The following MYBBP1A variants were observed in gnomAD, a reference collection of about 807,000 sequenced individuals.
MYBBP1A encodes the protein myb-binding protein 1A.
Under a neutral mutation model 136.3 loss-of-function variants are expected in MYBBP1A, and 147 were observed. The observed-to-expected ratio is 1.08, with a 90% CI of 0.94 to 1.24. MYBBP1A has a LOEUF of 1.24. Ranked by LOEUF, MYBBP1A falls within the 50% of genes most tolerant of loss-of-function variation. The pLI is 0.00. For missense variants in MYBBP1A, 2,060 were observed against 1,727.4 expected, an observed-to-expected ratio of 1.19 and a Z score of -3.41; for synonymous variants, 947 against 735.8, an observed-to-expected ratio of 1.29 and a Z score of -4.65.
rs753777128 is a variant in MYBBP1A at position 4,540,418 on chromosome 17, C to G, written c.3364G>C (p.Gly1122Arg). The G allele has an allele frequency of 6.2e-7, 1 of 1,611,070 alleles. No individual in the cohort carries two copies. The highest frequency in any genetic ancestry group is 8.5e-7 in the Non-Finnish European group (1 of 1,179,804). ...LQGQQQSLQQ[G>R]AHSTGSSRLH... is the part of the protein sequence containing the mutation. ...CGGCTGGAGCCGGTGGAGTGTGCCC[C>G]CTGCTGTAGGCTCTGCTGTTGCCCC... Residue 1122 changes from glycine to arginine, a missense_variant, in exon 25 of 26, where the codon GGG (glycine) becomes CGG (arginine). Coordinates refer to ENST00000254718, the MANE Select transcript of MYBBP1A (RefSeq NM_014520.4).
In MYBBP1A at chr17:4,552,614, T is replaced by G; in HGVS notation, c.574A>C (p.Thr192Pro). ...ACCTCCGGCAGGATCTCCTGCAATG[T>G]GGCCTTCGAGACCTAAGGATGGAGG... ...VDILSEVSKA[T>P]LQEILPEVLK... The change falls in exon 6 of 26, where the codon ACA becomes CCA. Residue 192 changes from threonine (T) to proline (P), a missense_variant. Coordinates refer to ENST00000254718, the MANE Select transcript of MYBBP1A (RefSeq NM_014520.4). This position sits in a 1 kb window ranked among gnomAD's most constrained non-coding sequence, Gnocchi z 4.7. 6.2e-7 allele frequency: 1 copy of G among 1,613,434 alleles called. No individual in the cohort carries two copies. Among genetic ancestry groups the G allele is most frequent in the Non-Finnish European group, 8.5e-7 (1 of 1,179,746 alleles).
rs1269673024 is a variant in MYBBP1A at position 4,540,215 on chromosome 17, T to TGCATGTGTGTGCAGCA, written c.3434+117_3434+132dup. 7 of 1,307,206 alleles carry TGCATGTGTGTGCAGCA rather than the reference T, an allele frequency of 5.4e-6. No homozygotes were observed. The South Asian group carries it at 5.7e-5, about 11-fold the overall frequency. 81.0% of individuals were successfully genotyped at this position (1,307,206 alleles called of 1,614,324 possible). A position where few individuals can be genotyped will look rare whatever the true frequency, so the allele number is the denominator to read the frequency against. On this transcript the variant is annotated intron_variant, in intron 25 of 25. Coordinates refer to ENST00000254718, the MANE Select transcript of MYBBP1A (RefSeq NM_014520.4). ...TCCCACATCTGAGAATGCGCTTGAGTGCATGTGTGTGCAGCAGCATGCGTG... is the reference window on the plus strand; with the variant it reads ...TCCCACATCTGAGAATGCGCTTGAGTGCATGTGTGTGCAGCAGCATGTGTGTGCAGCAGCATGCGTG...
chr17:4,544,986 G>GCCCGGCCCC, intron 17 of MYBBP1A, 40 bp downstream of exon 17: 1 of 1,464,174 alleles, frequency 6.8e-7, no homozygotes, highest in Non-Finnish European at 9.1e-7. Context: ...GGACACCCGA[G>GCCCGGCCCC]CCCTCCCCGG....
In MYBBP1A at chr17:4,539,344, T is replaced by TAAAAAAA. The variant is rs372363229; in HGVS notation, c.*64_*70dup. On this transcript the variant is annotated 3_prime_UTR_variant, in exon 26 of 26. Coordinates refer to ENST00000254718, the MANE Select transcript of MYBBP1A (RefSeq NM_014520.4). ...CAGCTTGCGTATTAAAATCATGGTT[T>TAAAAAAA]AAAAAAAAAAAAAAAAAATAGGCGT... The TAAAAAAA allele has an allele frequency of 2.9e-6, 4 of 1,401,722 alleles. No homozygotes were observed. Among genetic ancestry groups the TAAAAAAA allele is most frequent in the Non-Finnish European group, 3.8e-6 (4 of 1,065,148 alleles). 86.8% of individuals were successfully genotyped at this position (1,401,722 alleles called of 1,614,324 possible).
Position 4,550,194 on chromosome 17 carries a change from C to A in MYBBP1A, c.1183G>T (p.Val395Leu). Residue 395 changes from valine to leucine, a missense_variant, in exon 9 of 26, where the codon GTG (valine) becomes TTG (leucine). By Grantham distance (32) the Val-to-Leu change is conservative. Coordinates refer to ENST00000254718, the MANE Select transcript of MYBBP1A (RefSeq NM_014520.4). ...LPVTPTFWRVVRFLSPPALQG... is the reference protein window; with the variant it reads ...LPVTPTFWRVLRFLSPPALQG... Reference sequence around the variant, plus strand: ...AGGGCCGGAGGGCTCAGGAACCGCACGACCCGCCAGAAAGTAGGCGTGACA... The same window carrying A: ...AGGGCCGGAGGGCTCAGGAACCGCAAGACCCGCCAGAAAGTAGGCGTGACA... 1.9e-6 allele frequency: 3 copies of A among 1,613,850 alleles called. No homozygotes were observed. Among genetic ancestry groups the A allele is most frequent in the Non-Finnish European group, 2.5e-6 (3 of 1,180,036 alleles).
At position 4,549,374 on chromosome 17, in the gene MYBBP1A, A is replaced by T; in HGVS notation, c.1388T>A (p.Leu463Gln). 1.2e-6 allele frequency: 2 copies of T among 1,613,146 alleles called. No homozygotes were observed. The highest frequency in any genetic ancestry group is 1.7e-6 in the Non-Finnish European group (2 of 1,179,956). ...IFRLVSIVDSLHLEMEEALTE... is the reference protein window; with the variant it reads ...IFRLVSIVDSQHLEMEEALTE... ...CAAGGCCTCCTCCATCTCCAGGTGC[A>T]GGCTGTCCACAATGCTCACCAATCG... Residue 463 changes from leucine to glutamine, a missense_variant, in exon 10 of 26, where the codon CTG becomes CAG. Coordinates refer to ENST00000254718, the MANE Select transcript of MYBBP1A (RefSeq NM_014520.4).
chr17:4,542,063 G>A, intron 22 of MYBBP1A, 172 bp from the exon 23 acceptor site: 1 of 608,808 alleles, frequency 1.6e-6, no homozygotes, highest in South Asian at 2.0e-5. Flanking sequence ...TGCAGGTGGG[G>A]ACACCAAGGC....
At chr17:4,541,396 T>G in intron 24 of MYBBP1A, 67 bp downstream of exon 24, 2 of 1,396,832 alleles carry the variant, frequency 1.4e-6, no homozygotes, top group Non-Finnish European at 2.0e-6. Context: ...ATGGCACTGC[T>G]GGCCGGGAGG....
chr17:4,539,104 C>T lies in MYBBP1A; in HGVS notation c.*311G>A. 1 of 1,509,764 alleles carries T rather than the reference C, an allele frequency of 6.6e-7. No homozygotes were observed. The highest frequency in any genetic ancestry group is 8.9e-7 in the Non-Finnish European group (1 of 1,119,984). The allele number at this position is 1,509,764 out of a possible 1,614,324, so 93.5% of individuals were successfully genotyped here. On this transcript the variant is annotated 3_prime_UTR_variant, in exon 26 of 26. Transcript: ENST00000254718. ...AGGTGGCAGGCACGAGAGATGGTCA[C>T]ACCTGCCTGCAGCCAGCACATCAAC...
At chr17:4,540,324 G>A (rs1451008556) in intron 25 of MYBBP1A, 24 bp downstream of exon 25, 1 of 1,583,738 alleles carries the variant, frequency 6.3e-7, no homozygotes, top group South Asian at 1.1e-5. Flanking sequence ...TACCCAAGGT[G>A]TGTGTCCCCC....
chr17:4,546,188 G>C lies in MYBBP1A; in HGVS notation c.1825-246C>G, dbSNP rs377082774. On this transcript the variant is annotated intron_variant, in intron 13 of 25. Coordinates refer to ENST00000254718, the MANE Select transcript of MYBBP1A (RefSeq NM_014520.4). The stretch of plus-strand genomic sequence containing the variant: ...GGCTGGAGTACAGTGGTCTGATCTC[G>C]GCTCACCACAACTTCTGCCTCCCAG... 4.6e-5 allele frequency among the ~76,000 whole-genome samples: 7 copies of C among 152,202 alleles called. No homozygotes were observed. In the East Asian group the frequency reaches 1.4e-3, roughly 29 times the overall value.
chr17:4,552,504 C>G lies in MYBBP1A; in HGVS notation c.684G>C (p.Lys228Asn). Residue 228 changes from lysine to asparagine, a missense_variant, in exon 6 of 26, where the codon AAG becomes AAC. Transcript: ENST00000254718. This position sits in a 1 kb window ranked among gnomAD's most constrained non-coding sequence, Gnocchi z 4.7. ...FLLAQQKVPSKLKKLVGSVNL... is the reference protein window; with the variant it reads ...FLLAQQKVPSNLKKLVGSVNL... ...TCACGGATCCCACCAGCTTCTTGAG[C>G]TTGGAGGGCACCTTCTGCTGGGCCA... is the stretch of plus-strand genomic sequence containing the variant. The G allele has an allele frequency of 3.1e-6, 5 of 1,613,918 alleles. No individual in the cohort carries two copies. Among genetic ancestry groups the G allele is most frequent in the Non-Finnish European group, 4.2e-6 (5 of 1,180,036 alleles).
At chr17:4,540,266 T>C (rs1906273916) in intron 25 of MYBBP1A, 82 bp downstream of exon 25, 1 of 1,484,262 alleles carries the variant, frequency 6.7e-7, no homozygotes, top group East Asian at 2.3e-5. Context: ...CAGCAGCGTG[T>C]GTGCAGCGTG....
In MYBBP1A at chr17:4,543,962, C is replaced by CA. The variant is rs535440570; in HGVS notation, c.2639+526_2639+527insT. ...GCTAGGGTCAGGGCCTGCGAGGGTG[C>CA]GGGGGTCTGTGGCCTCGCTGCTTGC... On this transcript the variant is annotated intron_variant, in intron 19 of 25. Transcript: ENST00000254718. Among the ~76,000 whole-genome samples the CA allele has an allele frequency of 4.1e-3, 622 of 152,266 alleles. 1 individual carries two copies. The highest frequency in any genetic ancestry group is 4.7e-3 in the Non-Finnish European group (322 of 68,010).
chr17:4,541,528 G>A lies in MYBBP1A; in HGVS notation c.3232C>T (p.Gln1078Ter). ...AGGGAGGACAGTGCCTGCTGATGCT[G>A]CGCCTTGGTCTGCGCCTCCCCCAGC... is the stretch of plus-strand genomic sequence containing the variant. ...RVLGEAQTKA[Q>*]HQQALSSLEL... is the part of the protein sequence containing the mutation. Residue 1078 changes from glutamine to a stop codon, truncating the protein, a stop_gained, in exon 24 of 26, where the codon CAG (glutamine) becomes TAG (stop). Transcript: ENST00000254718. LOFTEE classifies it high-confidence loss of function. 1 of 1,613,444 alleles carries A rather than the reference G, an allele frequency of 6.2e-7. No individual in the cohort carries two copies. The highest frequency in any genetic ancestry group is 8.5e-7 in the Non-Finnish European group (1 of 1,180,040).
At position 4,549,331 on chromosome 17, in the gene MYBBP1A, C is replaced by T. The variant is rs1277189157; in HGVS notation, c.1430+1G>A. 6.2e-7 allele frequency: 1 copy of T among 1,610,438 alleles called. No individual in the cohort carries two copies. The highest frequency in any genetic ancestry group is 1.1e-5 in the South Asian group (1 of 90,946). The stretch of plus-strand genomic sequence containing the variant: ...AGCTGGGAATCCAGCACAGCTCGCA[C>T]CTGGCCACCTGCTCAGTCAAGGCCT... On this transcript the variant is annotated splice_donor_variant, in intron 10 of 25. Transcript: ENST00000254718. LOFTEE classifies it high-confidence loss of function.
rs774617647 is a variant in MYBBP1A at position 4,539,401 on chromosome 17, GC to G, written c.*13del. On this transcript the variant is annotated 3_prime_UTR_variant, in exon 26 of 26. Transcript: ENST00000254718. Reference sequence around the variant, plus strand: ...CAGATGGAGGCAGGGGCTGAGGGGGGCCCGTACCTGTGCTCAGGGCTTCCCT... The same window carrying G: ...CAGATGGAGGCAGGGGCTGAGGGGGGCCGTACCTGTGCTCAGGGCTTCCCT... 23 of 1,596,096 alleles carry G rather than the reference GC, an allele frequency of 1.4e-5. No homozygotes were observed. The highest frequency in any genetic ancestry group is 2.2e-5 in the South Asian group (2 of 89,548).
At chr17:4,541,389 G>A (rs1301798066) in intron 24 of MYBBP1A, 74 bp downstream of exon 24, 10 of 1,303,798 alleles carry the variant, frequency 7.7e-6, no homozygotes, top group South Asian at 1.2e-5. Flanking sequence ...CCCGGGCATG[G>A]CACTGCTGGC....
chr17:4,550,510 A>C (rs911252808), intron 8 of MYBBP1A, among the ~76,000 whole-genome samples, 157 bp from the exon 9 acceptor site: 26 of 152,326 alleles, frequency 1.7e-4, no homozygotes, highest in Middle Eastern at 3.4e-3. Flanking sequence ...CTACAGGTTA[A>C]ATCGAGCCCC....
Sources: gnomAD v4.1 joint callset for allele counts (sites outside exome capture counted in the v4.1 genomes callset) on GRCh38, gnomAD v4.1.1 for gene constraint, Gnocchi (gnomAD v3.1) non-coding constraint, MANE v1.5 for transcripts, NCBI Gene and HGNC (gene_info 2026-07-23, HGNC 2026-07-21) for gene names.